ARHGAP26: variants seen among roughly 807,000 people sequenced by gnomAD.
ARHGAP26 encodes Rho GTPase activating protein 26, also known as rho GTPase-activating protein 26.
Under a neutral mutation model 104.8 loss-of-function variants are expected in ARHGAP26, and 38 were observed. The ratio of observed to expected loss-of-function variants is 0.36; its 90% CI spans 0.28 to 0.48. The LOEUF (loss-of-function observed/expected upper bound fraction) is 0.48. ARHGAP26 is among the 20% of genes least tolerant of loss of function. The pLI is 0.99. For missense variants in ARHGAP26, 704 were observed against 947.9 expected, an observed-to-expected ratio of 0.74 and a Z score of 3.38; for synonymous variants, 341 against 340.0, an observed-to-expected ratio of 1.00 and a Z score of -0.03.
intron 1 of ARHGAP26, among the ~76,000 whole-genome samples, chr5:142,781,804 C>T (rs146806843): frequency 0.03 from 4,632 of 152,196 alleles, 151 homozygotes; most frequent in African/African-American, 0.073. Flanking sequence ...CTCCGCCTCC[C>T]GGGTTCAAGT....
chr5:143,063,463 A>G (rs1420668220), intron 17 of ARHGAP26, among the ~76,000 whole-genome samples: 1 of 152,032 alleles, frequency 6.6e-6, no homozygotes, highest in African/African-American at 2.4e-5. Context: ...CAGCTTCCCC[A>G]TTGCTCTTAA....
intron 11 of ARHGAP26, among the ~76,000 whole-genome samples, chr5:142,934,573 T>A (rs1765154081): frequency 6.6e-6 from 1 of 152,202 alleles, no homozygotes; most frequent in Non-Finnish European, 1.5e-5. Context: ...AATTAGCAGC[T>A]CCAGCTTTAA....
At chr5:143,120,124 A>G (rs768154384) in intron 17 of ARHGAP26, among the ~76,000 whole-genome samples, 2 of 152,230 alleles carry the variant, frequency 1.3e-5, no homozygotes, top group Non-Finnish European at 1.5e-5. Flanking sequence ...ACTGAATGGC[A>G]TTAACTTTTA....
chr5:143,221,901 G>T (rs1459828620), intron 22 of ARHGAP26, among the ~76,000 whole-genome samples: 1 of 144,974 alleles, frequency 6.9e-6, no homozygotes, highest in Non-Finnish European at 1.5e-5. Context: ...GTTGATACTG[G>T]GCAGGTGGGT....
At chr5:142,933,887 G>C (rs1446121785) in intron 11 of ARHGAP26, among the ~76,000 whole-genome samples, 1 of 152,114 alleles carries the variant, frequency 6.6e-6, no homozygotes, top group Non-Finnish European at 1.5e-5. Flanking sequence ...AGACATATTT[G>C]GTTTTCATCT....
chr5:142,790,389 C>G (rs1398432116), intron 1 of ARHGAP26, among the ~76,000 whole-genome samples: 1 of 152,110 alleles, frequency 6.6e-6, no homozygotes, highest in African/African-American at 2.4e-5. Context: ...TCGTATTTCT[C>G]CTGTTTTTGT....
At chr5:142,964,284 C>T (rs952364987) in intron 11 of ARHGAP26, among the ~76,000 whole-genome samples, 7 of 152,154 alleles carry the variant, frequency 4.6e-5, no homozygotes, top group Non-Finnish European at 8.8e-5. Context: ...CTCCCTACCC[C>T]GCTTTCAGTT....
intron 3 of ARHGAP26, among the ~76,000 whole-genome samples, chr5:142,877,840 G>C (rs993191590): frequency 1.3e-5 from 2 of 152,188 alleles, no homozygotes; most frequent in Non-Finnish European, 2.9e-5. Flanking sequence ...GTGTAGTTAA[G>C]GTTGAGAATC....
intron 17 of ARHGAP26, among the ~76,000 whole-genome samples, chr5:143,102,697 A>G (rs1793430797): frequency 6.6e-6 from 1 of 152,230 alleles, no homozygotes; most frequent in South Asian, 2.1e-4. Context: ...CTTTCTTACC[A>G]AAGCATTCTT....
intron 11 of ARHGAP26, among the ~76,000 whole-genome samples, chr5:142,949,202 A>AGGG (rs1445451552): frequency 3.3e-4 from 7 of 21,484 alleles, no homozygotes; most frequent in Admixed American, 4.9e-4. Context: ...AGAGAGAGAG[A>AGGG]GAGAGAGAGA....
intron 18 of ARHGAP26, among the ~76,000 whole-genome samples, chr5:143,133,052 G>A (rs1797539028): frequency 6.6e-6 from 1 of 152,162 alleles, no homozygotes; most frequent in Admixed American, 6.5e-5. Flanking sequence ...TCTGCAATAA[G>A]TGGTGGCTAC....
At chr5:143,173,718 T>A (rs925839425) in intron 20 of ARHGAP26, among the ~76,000 whole-genome samples, 1 of 152,126 alleles carries the variant, frequency 6.6e-6, no homozygotes, top group East Asian at 1.9e-4. Flanking sequence ...ATTTGGGAGC[T>A]TTTTTGTCCA....
intron 11 of ARHGAP26, among the ~76,000 whole-genome samples, chr5:142,974,958 C>G (rs1302449939): frequency 6.6e-6 from 1 of 152,158 alleles, no homozygotes; most frequent in Non-Finnish European, 1.5e-5. Flanking sequence ...ATGGCTTTTT[C>G]CATTAATCCT....
At chr5:143,107,389 G>A (rs1274378166) in intron 17 of ARHGAP26, among the ~76,000 whole-genome samples, 1 of 152,182 alleles carries the variant, frequency 6.6e-6, no homozygotes, top group East Asian at 1.9e-4. Context: ...GCTAAAGTCA[G>A]TTACTGATGG....
intron 17 of ARHGAP26, among the ~76,000 whole-genome samples, chr5:143,087,923 A>G (rs1023227424): frequency 6.6e-6 from 1 of 152,038 alleles, no homozygotes; most frequent in Non-Finnish European, 1.5e-5. Flanking sequence ...TGCTGGGATT[A>G]CAGGCATGAG....
At chr5:143,067,009 G>T (rs1304947175) in intron 17 of ARHGAP26, among the ~76,000 whole-genome samples, 1 of 151,264 alleles carries the variant, frequency 6.6e-6, no homozygotes, top group Non-Finnish European at 1.5e-5. Context: ...TTCCATGGAG[G>T]TTACCTCCCC....
intron 17 of ARHGAP26, among the ~76,000 whole-genome samples, chr5:143,082,000 A>G (rs185057789): frequency 8.2e-6 from 1 of 121,910 alleles, no homozygotes; most frequent in Non-Finnish European, 1.6e-5. Context: ...ACAGAGGGAG[A>G]CTCCATCTCA....
chr5:142,855,057 A>C (rs1333314514), intron 1 of ARHGAP26, among the ~76,000 whole-genome samples: 1 of 152,102 alleles, frequency 6.6e-6, no homozygotes, highest in Admixed American at 6.6e-5. Flanking sequence ...CTCTTAAGGC[A>C]CTAGATAAAA....
At chr5:143,097,335 G>A (rs1376912214) in intron 17 of ARHGAP26, among the ~76,000 whole-genome samples, 2 of 116,798 alleles carry the variant, frequency 1.7e-5, no homozygotes, top group African/African-American at 6.7e-5. Context: ...CTGGGCAACA[G>A]AGAGAGACTC....
Sources: allele counts gnomAD v4.1 joint callset (sites outside exome capture counted in the v4.1 genomes callset), GRCh38; gene constraint gnomAD v4.1.1; transcripts MANE v1.5; gene names NCBI Gene and HGNC (gene_info 2026-07-23, HGNC 2026-07-21).